STK24: variants seen among roughly 807,000 people sequenced by gnomAD.
STK24 encodes serine/threonine kinase 24.
A neutral mutation model predicts 55.6 loss-of-function variants in STK24; 21 were observed. The ratio of observed to expected loss-of-function variants is 0.38; its 90% confidence interval spans 0.27 to 0.54. The LOEUF is 0.54. Among genes scored for constraint, STK24 ranks in the 20% least tolerant of loss-of-function variants. The pLI, the probability that STK24 is intolerant of heterozygous loss-of-function variation, is 0.79. For synonymous variants in STK24, 200 were observed against 215.2 expected (o/e 0.93, Z 0.62); for missense variants, 383 against 538.4 (o/e 0.71, Z 2.86).
At chr13:98,469,664 G>A (rs1341918093) in intron 5 of STK24, among the ~76,000 whole-genome samples, 1 of 151,942 alleles carries the variant, frequency 6.6e-6, no homozygotes, top group African/African-American at 2.4e-5. Flanking sequence ...GCAACCCAGG[G>A]TGTATGGTTC....
At chr13:98,486,734 C>T (rs1298428686) in intron 2 of STK24, among the ~76,000 whole-genome samples, 2 of 152,218 alleles carry the variant, frequency 1.3e-5, no homozygotes, top group East Asian at 3.9e-4. Flanking sequence ...CCACGATGGA[C>T]GCTGACAAAT....
At chr13:98,559,574 T>C (rs1897364332) in intron 1 of STK24, among the ~76,000 whole-genome samples, 1 of 152,214 alleles carries the variant, frequency 6.6e-6, no homozygotes, top group African/African-American at 2.4e-5. Flanking sequence ...CCCTTCCTAG[T>C]TTTTGTCATG....
chr13:98,573,693 C>A (rs1788393429), intron 1 of STK24, among the ~76,000 whole-genome samples: 1 of 152,182 alleles, frequency 6.6e-6, no homozygotes, highest in Non-Finnish European at 1.5e-5. Context: ...ATCTAACTAG[C>A]AATGAGATAA....
chr13:98,516,089 C>A, intron 2 of STK24, among the ~76,000 whole-genome samples: 1 of 152,208 alleles, frequency 6.6e-6, no homozygotes, highest in East Asian at 1.9e-4. Context: ...GGAGGGTCCC[C>A]TTCTGGGCCA....
At position 98,576,778 on chromosome 13, in the gene STK24, G is replaced by A; in HGVS notation, c.9C>T (p.His3=). The stretch of plus-strand genomic sequence containing the variant: ...CGGGCAGGCCCGACTGCACCGGGGA[G>A]TGAGCCATGGCGCTCAGGACGGCCA... MA[H]SPVQSGLPGM... Residue 3 remains histidine, a synonymous_variant, in exon 1 of 11, where the codon CAC becomes CAT. Coordinates refer to ENST00000539966, the MANE Select transcript of STK24 (RefSeq NM_001032296.4). 4 of 1,435,576 alleles carry A rather than the reference G, an allele frequency of 2.8e-6. No homozygotes were observed. Among genetic ancestry groups the A allele is most frequent in the Non-Finnish European group, 3.7e-6 (4 of 1,095,100 alleles). The allele number at this position is 1,435,576 out of a possible 1,614,324, so 88.9% of individuals were successfully genotyped here. A position where few individuals can be genotyped will look rare whatever the true frequency, so the allele number is the denominator to read the frequency against.
chr13:98,479,629 A>G (rs182545720), intron 3 of STK24, among the ~76,000 whole-genome samples: 164 of 152,184 alleles, frequency 1.1e-3, no homozygotes, highest in African/African-American at 3.6e-3. Flanking sequence ...CTGCCACCCA[A>G]TTTTTAACTT....
At chr13:98,465,456 A>AT (rs751851072) in intron 6 of STK24, among the ~76,000 whole-genome samples, 4 of 152,238 alleles carry the variant, frequency 2.6e-5, no homozygotes, top group Admixed American at 6.5e-5. Flanking sequence ...CTGGTGCATG[A>AT]TGGCTGCAAG....
At chr13:98,474,110 G>A (rs1894270617) in intron 5 of STK24, among the ~76,000 whole-genome samples, 2 of 152,182 alleles carry the variant, frequency 1.3e-5, no homozygotes, top group Admixed American at 1.3e-4. Flanking sequence ...CAGAGCCCTA[G>A]GAGGCAAAGT....
At chr13:98,480,492 GAACCA>G (rs1894540478) in intron 3 of STK24, among the ~76,000 whole-genome samples, 1 of 152,102 alleles carries the variant, frequency 6.6e-6, no homozygotes, top group Non-Finnish European at 1.5e-5. Flanking sequence ...TTATGGAAAG[GAACCA>G]AAATAAGTTG....
chr13:98,532,102 G>A (rs1373220742), intron 1 of STK24, among the ~76,000 whole-genome samples: 2 of 151,990 alleles, frequency 1.3e-5, no homozygotes, highest in Admixed American at 6.6e-5. Context: ...ACTCTCACAC[G>A]CGGCCAAGGT....
At chr13:98,483,895 A>AG (rs1894700534) in intron 2 of STK24, among the ~76,000 whole-genome samples, 1 of 152,222 alleles carries the variant, frequency 6.6e-6, no homozygotes, top group Non-Finnish European at 1.5e-5. Context: ...AGTTGATTCT[A>AG]AGACAGTCCA....
intron 2 of STK24, among the ~76,000 whole-genome samples, chr13:98,515,101 G>GAA (rs5806066): frequency 2.3e-5 from 3 of 128,468 alleles, no homozygotes; most frequent in Admixed American, 7.9e-5. Flanking sequence ...CAAACCCCCT[G>GAA]AAAAAAAAAA....
chr13:98,553,105 T>C (rs1459241857), intron 1 of STK24: 1 of 152,148 alleles, frequency 6.6e-6, no homozygotes, highest in Non-Finnish European at 1.5e-5. Context: ...TCAATTTTGT[T>C]GTGCTCCAAA....
At chr13:98,478,050 A>G (rs768587564) in intron 3 of STK24, among the ~76,000 whole-genome samples, 113 of 152,146 alleles carry the variant, frequency 7.4e-4, no homozygotes, top group Admixed American at 1.4e-3. Context: ...TTGGGGGGAA[A>G]TCCTTTCTGC....
chr13:98,446,805 A>T lies in STK24; in HGVS notation c.*6368T>A. 6.2e-7 allele frequency: 1 copy of T among 1,614,138 alleles called. No individual in the cohort carries two copies. Among genetic ancestry groups the T allele is most frequent in the South Asian group, 1.1e-5 (1 of 91,072 alleles). ...TACTACTTCAGGGCGGAAAGCGAGT[A>T]CACGTTCGAAAGGTAGACACCCCCT... On this transcript the variant is annotated 3_prime_UTR_variant, in exon 11 of 11. Coordinates refer to ENST00000539966, the MANE Select transcript of STK24 (RefSeq NM_001032296.4).
At chr13:98,464,070 A>G (rs998532193) in intron 6 of STK24, among the ~76,000 whole-genome samples, 6 of 152,134 alleles carry the variant, frequency 3.9e-5, no homozygotes, top group African/African-American at 1.4e-4. Flanking sequence ...TCCCTAATAA[A>G]TACATTTTCA....
intron 1 of STK24, among the ~76,000 whole-genome samples, chr13:98,561,977 CAAA>C (rs10564690): frequency 0.015 from 775 of 53,402 alleles, 2 homozygotes; most frequent in African/African-American, 0.023. Context: ...GACTCCGTCT[CAAA>C]AAAAAAAAAA....
chr13:98,508,349 C>G (rs1895767204), intron 2 of STK24, among the ~76,000 whole-genome samples: 1 of 152,110 alleles, frequency 6.6e-6, no homozygotes, highest in Non-Finnish European at 1.5e-5. Context: ...GAGAACACAC[C>G]TGTGGTATCA....
chr13:98,470,320 G>C (rs1894095223), intron 5 of STK24, among the ~76,000 whole-genome samples: 1 of 152,074 alleles, frequency 6.6e-6, no homozygotes, highest in Non-Finnish European at 1.5e-5. Context: ...GGGGCAAGGG[G>C]GGGTCTTGCT....
Sources: allele counts gnomAD v4.1 joint callset (sites outside exome capture counted in the v4.1 genomes callset), GRCh38; gene constraint gnomAD v4.1.1; transcripts MANE v1.5; gene names NCBI Gene and HGNC (gene_info 2026-07-23, HGNC 2026-07-21).